Variants in TBL1X observed in about 807,000 individuals in gnomAD.
TBL1X encodes the protein F-box-like/WD repeat-containing protein TBL1X.
Under a neutral mutation model 50.7 loss-of-function variants are expected in TBL1X, and 10 were observed. The observed-to-expected ratio is 0.20, with a 90% CI of 0.12 to 0.33. The LOEUF is 0.33. Ranked by LOEUF, TBL1X falls within the 10% of genes least tolerant of loss-of-function variation. The probability of loss-of-function intolerance (pLI) is 1.00; values close to 1 mark genes in which losing one functional copy is unlikely to be tolerated. For synonymous variants in TBL1X, 190 were observed against 214.7 expected (o/e 0.88, Z 1.01); for missense variants, 340 against 504.4 (o/e 0.67, Z 3.12).
chrX:9,491,441 A>G (rs1465538083), intron 1 of TBL1X, among the ~76,000 whole-genome samples: 3 of 102,786 alleles, frequency 2.9e-5, no homozygotes, highest in East Asian at 3.0e-4. Context: ...CCCAGGCTCA[A>G]GTGATTTTCC....
chrX:9,628,249 T>C (rs976874131), intron 2 of TBL1X, among the ~76,000 whole-genome samples: 1 of 111,033 alleles, frequency 9.0e-6, no homozygotes, highest in Non-Finnish European at 1.9e-5. Context: ...CTGTGGGAGG[T>C]CCTTCCTGTG....
At chrX:9,553,367 C>T (rs1354638778) in intron 2 of TBL1X, among the ~76,000 whole-genome samples, 1 of 111,780 alleles carries the variant, frequency 8.9e-6, no homozygotes, top group African/African-American at 3.3e-5. Context: ...ATCGAATTCT[C>T]CCCTGAAGCC....
At chrX:9,588,479 A>G (rs5979128) in intron 2 of TBL1X, among the ~76,000 whole-genome samples, 2,849 of 112,123 alleles carry the variant, frequency 0.025, 83 homozygotes, top group African/African-American at 0.087. Flanking sequence ...TTTTAAGTAA[A>G]GACCACAGGA....
At chrX:9,638,410 C>G (rs976678365) in intron 2 of TBL1X, among the ~76,000 whole-genome samples, 1 of 111,996 alleles carries the variant, frequency 8.9e-6, no homozygotes, top group African/African-American at 3.2e-5. Flanking sequence ...GTTGGAAGGT[C>G]TGATTTCTCA....
intron 2 of TBL1X, among the ~76,000 whole-genome samples, chrX:9,524,225 C>T (rs2082121579): frequency 8.9e-6 from 1 of 111,952 alleles, no homozygotes. Context: ...ACCTTGGCCT[C>T]CCGAAGTGCT....
At chrX:9,463,781 C>G (rs2081751028), upstream of TBL1X, among the ~76,000 whole-genome samples, 1 of 112,273 alleles carries the variant, frequency 8.9e-6, no homozygotes, top group Non-Finnish European at 1.9e-5. Context: ...GTAATCCCAG[C>G]TACTCGGGAG....
At chrX:9,567,578 A>G (rs2082358070) in intron 2 of TBL1X, among the ~76,000 whole-genome samples, 1 of 111,634 alleles carries the variant, frequency 9.0e-6, no homozygotes, top group Admixed American at 9.4e-5. Context: ...GTTGTCCAGT[A>G]TTTTGGTGCT....
chrX:9,478,078 C>T (rs1336434745), intron 1 of TBL1X, among the ~76,000 whole-genome samples: 1 of 111,993 alleles, frequency 8.9e-6, no homozygotes, highest in East Asian at 2.8e-4. Context: ...GTTTCCTCAT[C>T]TGTAAAATCA....
intron 1 of TBL1X, among the ~76,000 whole-genome samples, chrX:9,467,862 C>T (rs1425870111): frequency 8.9e-6 from 1 of 111,966 alleles, no homozygotes; most frequent in Non-Finnish European, 1.9e-5. Context: ...GGGCAAAGAG[C>T]CTAGGCTGAG....
intron 12 of TBL1X, among the ~76,000 whole-genome samples, chrX:9,703,865 G>T (rs941440753): frequency 8.9e-6 from 1 of 112,335 alleles, no homozygotes; most frequent in Non-Finnish European, 1.9e-5. Flanking sequence ...TAGGACTTCA[G>T]TGCCCTTGCT....
intron 2 of TBL1X, among the ~76,000 whole-genome samples, chrX:9,542,758 G>A (rs1198578763): frequency 8.9e-6 from 1 of 112,056 alleles, no homozygotes; most frequent in Admixed American, 9.4e-5. Context: ...GCACCAGACT[G>A]TATTCTCCAC....
chrX:9,694,728 CT>C (rs1246247101), intron 11 of TBL1X, among the ~76,000 whole-genome samples: 1 of 111,607 alleles, frequency 9.0e-6, no homozygotes, highest in Non-Finnish European at 1.9e-5. Context: ...AATCCCAGCA[CT>C]TTGGGAGGCC....
chrX:9,616,873 A>G lies in TBL1X; in HGVS notation c.-130-23400A>G, dbSNP rs187482319. Reference sequence around the variant, plus strand: ...ACTGTTAAATGGAGGTTTCTACCCCATAGAAATTAAGAAGAGATAAATGCA... The same window carrying G: ...ACTGTTAAATGGAGGTTTCTACCCCGTAGAAATTAAGAAGAGATAAATGCA... On this transcript the variant is annotated intron_variant, in intron 2 of 17. Transcript: ENST00000645353. 2.9e-3 allele frequency among the ~76,000 whole-genome samples: 320 copies of G among 111,940 alleles called. 1 individual carries two copies. The highest frequency in any genetic ancestry group is 9.6e-4 in the Non-Finnish European group (51 of 53,205).
chrX:9,465,636 T>C, intron 1 of TBL1X, among the ~76,000 whole-genome samples, 189 bp downstream of exon 1: 1 of 112,159 alleles, frequency 8.9e-6, no homozygotes, highest in Non-Finnish European at 1.9e-5. Flanking sequence ...TGCGGCGCGC[T>C]CCCAGGAGCC....
intron 2 of TBL1X, among the ~76,000 whole-genome samples, chrX:9,638,310 A>G (rs1482037824): frequency 8.9e-6 from 1 of 112,525 alleles, no homozygotes; most frequent in Non-Finnish European, 1.9e-5. Flanking sequence ...TTTCACACAA[A>G]TATTTGGCAA....
At chrX:9,709,439 C>G in intron 14 of TBL1X, 117 bp downstream of exon 14, 1 of 976,407 alleles carries the variant, frequency 1.0e-6, no homozygotes, top group Admixed American at 2.7e-5. Flanking sequence ...CCCTCCCTTC[C>G]TCTGTCATCC....
chrX:9,670,249 C>G (rs1287468771), intron 5 of TBL1X, among the ~76,000 whole-genome samples: 2 of 110,953 alleles, frequency 1.8e-5, no homozygotes, highest in African/African-American at 6.6e-5. Context: ...ACCAGATTGC[C>G]CCACTTGGAC....
intron 5 of TBL1X, among the ~76,000 whole-genome samples, chrX:9,683,035 C>T (rs1240540400): frequency 6.3e-5 from 7 of 111,439 alleles, no homozygotes; most frequent in Admixed American, 3.8e-4. Context: ...TGTGCACCCT[C>T]AGGCCGCCTC....
At chrX:9,520,758 A>G (rs1220129482) in intron 2 of TBL1X, among the ~76,000 whole-genome samples, 2 of 105,639 alleles carry the variant, frequency 1.9e-5, no homozygotes, top group Non-Finnish European at 3.9e-5. Flanking sequence ...GTGTGGGGGA[A>G]GGATTTTTTT....
Sources: gnomAD v4.1 joint callset for allele counts (sites outside exome capture counted in the v4.1 genomes callset) on GRCh38, gnomAD v4.1.1 for gene constraint, MANE v1.5 for transcripts, NCBI Gene and HGNC (gene_info 2026-07-23, HGNC 2026-07-21) for gene names.